Variants in TNKS observed in about 807,000 individuals in gnomAD.
TNKS encodes the protein tankyrase.
A neutral mutation model predicts 135.8 loss-of-function variants in TNKS; 72 were observed. The ratio of observed to expected loss-of-function variants is 0.53; its 90% CI spans 0.44 to 0.64. TNKS has a LOEUF of 0.64. Among genes scored for constraint, TNKS ranks in the 30% least tolerant of loss-of-function variants. The probability of loss-of-function intolerance (pLI) is 0.00; values close to 1 mark genes in which losing one functional copy is unlikely to be tolerated. For missense variants in TNKS, 1,769 were observed against 1,674.0 expected, an observed-to-expected ratio of 1.06 and a Z score of -0.99; for synonymous variants, 849 against 649.3, an observed-to-expected ratio of 1.31 and a Z score of -4.68.
At chr8:9,600,342 C>G (rs936506920) in intron 2 of TNKS, among the ~76,000 whole-genome samples, 2 of 152,122 alleles carry the variant, frequency 1.3e-5, no homozygotes, top group Non-Finnish European at 2.9e-5. Context: ...GAGATGGGGT[C>G]TCACTCTGTC....
chr8:9,703,470 A>G (rs1159181141), intron 5 of TNKS, among the ~76,000 whole-genome samples: 1 of 152,202 alleles, frequency 6.6e-6, no homozygotes, highest in Non-Finnish European at 1.5e-5. Flanking sequence ...GAGTAGCATG[A>G]CTTCCACTGG....
chr8:9,670,126 A>G (rs2128792416), intron 3 of TNKS: 1 of 152,280 alleles, frequency 6.6e-6, no homozygotes, highest in East Asian at 1.9e-4. Flanking sequence ...TCCTTTCCAC[A>G]TTTCGTTCAG....
intron 26 of TNKS, among the ~76,000 whole-genome samples, chr8:9,771,464 A>C (rs1458390324): frequency 1.4e-4 from 17 of 118,882 alleles, no homozygotes; most frequent in African/African-American, 5.2e-4. Context: ...AGAAGAAGGG[A>C]GGGAGAGAAG....
chr8:9,594,354 G>C (rs529187638), intron 2 of TNKS, among the ~76,000 whole-genome samples: 1 of 152,172 alleles, frequency 6.6e-6, no homozygotes, highest in Non-Finnish European at 1.5e-5. Flanking sequence ...ATGGTCCAGT[G>C]TGATAGCCAT....
At chr8:9,620,137 A>G (rs534863270) in intron 3 of TNKS, among the ~76,000 whole-genome samples, 2 of 152,092 alleles carry the variant, frequency 1.3e-5, no homozygotes, top group South Asian at 4.2e-4. Flanking sequence ...TTTAGTATAG[A>G]TGGACTTTCA....
chr8:9,711,959 A>G (rs1165932171), intron 11 of TNKS, among the ~76,000 whole-genome samples: 1 of 152,230 alleles, frequency 6.6e-6, no homozygotes, highest in Non-Finnish European at 1.5e-5. Flanking sequence ...AATCTATTCA[A>G]AACATTGTAA....
intron 26 of TNKS, among the ~76,000 whole-genome samples, chr8:9,771,512 GGA>G (rs1322818873): frequency 1.3e-4 from 17 of 130,192 alleles, no homozygotes; most frequent in African/African-American, 2.7e-4. Flanking sequence ...GGAAAGAACG[GGA>G]GAGAGAGGAA....
At position 9,765,366 on chromosome 8, in the gene TNKS, G is replaced by A. The variant is rs1048950641; in HGVS notation, c.3448-326G>A. On this transcript the variant is annotated intron_variant, in intron 23 of 26. Coordinates refer to ENST00000310430, the MANE Select transcript of TNKS (RefSeq NM_003747.3). The stretch of plus-strand genomic sequence containing the variant: ...AGGGAACTTTTTTAAAAAAAATACA[G>A]ATTTACAGATCCCCATCTCCTAAAA... Among the ~76,000 whole-genome samples, 10 of 151,790 alleles carry A rather than the reference G, an allele frequency of 6.6e-5. 1 individual carries two copies. The highest frequency in any genetic ancestry group is 2.4e-4 in the African/African-American group (10 of 41,436).
chr8:9,576,569 C>A (rs1290450492), intron 1 of TNKS, among the ~76,000 whole-genome samples: 3 of 150,830 alleles, frequency 2.0e-5, no homozygotes, highest in African/African-American at 4.9e-5. Flanking sequence ...CTCCCTGTTG[C>A]CACCTACTTT....
At chr8:9,664,481 A>G (rs968295218) in intron 3 of TNKS, among the ~76,000 whole-genome samples, 34 of 152,242 alleles carry the variant, frequency 2.2e-4, no homozygotes, top group Admixed American at 1.1e-3. Flanking sequence ...TCCAATTTCA[A>G]CATACATTTG....
chr8:9,613,289 A>G (rs368997575), intron 2 of TNKS, among the ~76,000 whole-genome samples: 1 of 152,282 alleles, frequency 6.6e-6, no homozygotes, highest in African/African-American at 2.4e-5. Context: ...ACATTTTAAC[A>G]TGTGCTTTAA....
At chr8:9,564,127 G>A (rs765570030) in intron 1 of TNKS, among the ~76,000 whole-genome samples, 4 of 151,964 alleles carry the variant, frequency 2.6e-5, no homozygotes, top group Non-Finnish European at 5.9e-5. Flanking sequence ...AACCTTAACC[G>A]GAGACATTGT....
At chr8:9,772,043 G>A (rs1276124558) in intron 26 of TNKS, among the ~76,000 whole-genome samples, 1 of 126,156 alleles carries the variant, frequency 7.9e-6, no homozygotes, top group Non-Finnish European at 1.7e-5. Context: ...AGTGAGAGGA[G>A]ACAGAGGTAG....
At chr8:9,746,196 T>C (rs1479974334) in intron 17 of TNKS, among the ~76,000 whole-genome samples, 2 of 152,194 alleles carry the variant, frequency 1.3e-5, no homozygotes, top group Non-Finnish European at 2.9e-5. Context: ...CACCAAATTA[T>C]AGCATACTGG....
At chr8:9,560,942 G>C (rs1043534143) in intron 1 of TNKS, among the ~76,000 whole-genome samples, 7 of 151,952 alleles carry the variant, frequency 4.6e-5, no homozygotes, top group African/African-American at 1.7e-4. Flanking sequence ...CTGCTCTTTG[G>C]AAGCAAATGA....
intron 14 of TNKS, among the ~76,000 whole-genome samples, chr8:9,731,471 A>C (rs920312506): frequency 2.1e-5 from 3 of 140,868 alleles, no homozygotes; most frequent in African/African-American, 6.0e-5. Context: ...AAAAAAAAAA[A>C]AAAAAAAAAA....
At chr8:9,771,443 G>A (rs572251304) in intron 26 of TNKS, among the ~76,000 whole-genome samples, 7 of 85,902 alleles carry the variant, frequency 8.1e-5, no homozygotes, top group Admixed American at 2.3e-4. Flanking sequence ...ACAGAGGAAA[G>A]GAAAAGAGAG....
rs949331290 is a variant in TNKS at position 9,778,554 on chromosome 8, G to A, written c.*1818G>A. On this transcript the variant is annotated 3_prime_UTR_variant, in exon 27 of 27. Transcript: ENST00000310430. ...GTCCTCAAAATTAAATCGAGAATTA[G>A]CCTCAGTTGTTGCTTCTTTTGAAGT... is the stretch of plus-strand genomic sequence containing the variant. 6.6e-6 allele frequency: 1 copy of A among 152,640 alleles called. No homozygotes were observed. The highest frequency in any genetic ancestry group is 6.5e-5 in the Admixed American group (1 of 15,278). 9.5% of individuals were successfully genotyped at this position (152,640 alleles called of 1,614,324 possible).
At chr8:9,619,139 T>C (rs920583085) in intron 3 of TNKS, among the ~76,000 whole-genome samples, 3 of 152,212 alleles carry the variant, frequency 2.0e-5, no homozygotes, top group African/African-American at 4.8e-5. Context: ...TTAGCATCCA[T>C]GGACATGGTA....
Sources: gnomAD v4.1 joint callset for allele counts (sites outside exome capture counted in the v4.1 genomes callset) on GRCh38, gnomAD v4.1.1 for gene constraint, MANE v1.5 for transcripts, NCBI Gene and HGNC (gene_info 2026-07-23, HGNC 2026-07-21) for gene names.